Variants in CCND3 observed in about 807,000 individuals in gnomAD.
CCND3 encodes G1/S-specific cyclin-D3.
Under a neutral mutation model 28.7 loss-of-function variants are expected in CCND3, and 9 were observed. The observed-to-expected ratio is 0.31, with a 90% CI of 0.19 to 0.55. The LOEUF (loss-of-function observed/expected upper bound fraction) is 0.55, where lower values mean the gene tolerates loss of function less well. Ranked by LOEUF, CCND3 falls within the 20% of genes least tolerant of loss-of-function variation. The pLI, the probability that CCND3 is intolerant of heterozygous loss-of-function variation, is 0.93. For missense variants in CCND3, 315 were observed against 385.8 expected, an observed-to-expected ratio of 0.82 and a Z score of 1.54; for synonymous variants, 164 against 163.9, an observed-to-expected ratio of 1.00 and a Z score of 0.00.
intron 1 of CCND3, among the ~76,000 whole-genome samples, chr6:41,988,662 A>C (rs1582136108): frequency 6.7e-6 from 1 of 149,984 alleles, no homozygotes; most frequent in East Asian, 1.9e-4. Context: ...CAAAGGCATG[A>C]TTTATGAAAA....
At position 41,936,971 on chromosome 6, in the gene CCND3, G is replaced by C; in HGVS notation, c.574+264C>G. On this transcript the variant is annotated intron_variant, in intron 3 of 4. Coordinates refer to ENST00000372991, the MANE Select transcript of CCND3 (RefSeq NM_001760.5). The surrounding 1 kb of genome is among the most constrained non-coding windows in gnomAD (Gnocchi z 4.4). ...ACACAACTAGGGCCAAGAGACTGGGGTTCTGTTCCCAACCTGTTCACTGTG... is the reference window on the plus strand; with the variant it reads ...ACACAACTAGGGCCAAGAGACTGGGCTTCTGTTCCCAACCTGTTCACTGTG... 1.7e-6 allele frequency: 1 copy of C among 595,186 alleles called. No homozygotes were observed. 36.9% of individuals were successfully genotyped at this position (595,186 alleles called of 1,614,324 possible).
chr6:41,961,054 G>T (rs1156688378), intron 1 of CCND3, among the ~76,000 whole-genome samples: 1 of 152,210 alleles, frequency 6.6e-6, no homozygotes, highest in African/African-American at 2.4e-5. Context: ...AGAAGCACAG[G>T]CTGAGCAGAA....
In CCND3 at chr6:41,969,953, T is replaced by C. The variant is rs1582118244; in HGVS notation, c.-45-29368A>G. ...TGGGCATGGTGGTGAACGCCTGTAG[T>C]CCCAGCTACTTGGGCGGCTTAGCTG... On this transcript the variant is annotated intron_variant, in intron 1 of 4. Transcript: ENST00000372988. Among the ~76,000 whole-genome samples, 4 of 152,264 alleles carry C rather than the reference T, an allele frequency of 2.6e-5. No individual in the cohort carries two copies. In the East Asian group the frequency reaches 5.8e-4, roughly 22 times the overall value.
chr6:41,936,804 A>G lies in CCND3; in HGVS notation c.575-109T>C. The G allele has an allele frequency of 8.5e-7, 1 of 1,176,966 alleles. No homozygotes were observed. The highest frequency in any genetic ancestry group is 1.2e-6 in the Non-Finnish European group (1 of 834,056). 72.9% of individuals were successfully genotyped at this position (1,176,966 alleles called of 1,614,324 possible). ...CCAGGCAGCATGAGTAGAGCAGAGGACATGCTGGAAAACTCCAGCAGTGGG... is the reference window on the plus strand; with the variant it reads ...CCAGGCAGCATGAGTAGAGCAGAGGGCATGCTGGAAAACTCCAGCAGTGGG... On this transcript the variant is annotated intron_variant, in intron 3 of 4. Transcript: ENST00000372991. This position sits in a 1 kb window ranked among gnomAD's most constrained non-coding sequence, Gnocchi z 4.4.
chr6:42,037,458 A>G (rs1035505598), intron 1 of CCND3, among the ~76,000 whole-genome samples: 57 of 150,196 alleles, frequency 3.8e-4, no homozygotes, highest in African/African-American at 1.3e-3. Flanking sequence ...GATGGTCTCA[A>G]TCTCTCGACC....
chr6:41,972,853 C>T (rs1183167092), intron 1 of CCND3, among the ~76,000 whole-genome samples: 1 of 144,192 alleles, frequency 6.9e-6, no homozygotes, highest in African/African-American at 2.6e-5. Flanking sequence ...CCCATCTCTA[C>T]AAAAAATTTA....
intron 1 of CCND3, among the ~76,000 whole-genome samples, chr6:41,995,278 G>A (rs913969448): frequency 6.6e-6 from 1 of 151,822 alleles, no homozygotes; most frequent in East Asian, 1.9e-4. Flanking sequence ...TGGGGGGTGG[G>A]GTGCAGTCTT....
intron 1 of CCND3, chr6:41,940,802 G>C (rs1415937342): frequency 7.7e-6 from 7 of 913,020 alleles, no homozygotes; most frequent in Non-Finnish European, 1.1e-5. Flanking sequence ...CCCTTGACGG[G>C]GGAGTGGTAA....
chr6:41,971,600 G>T (rs1243917650), intron 1 of CCND3, among the ~76,000 whole-genome samples: 1 of 151,444 alleles, frequency 6.6e-6, no homozygotes, highest in Non-Finnish European at 1.5e-5. Context: ...GGAGTTCAGT[G>T]GCATGATCTT....
intron 1 of CCND3, among the ~76,000 whole-genome samples, chr6:42,028,798 G>A (rs903545365): frequency 2.6e-5 from 4 of 152,216 alleles, no homozygotes; most frequent in Non-Finnish European, 5.9e-5. Flanking sequence ...GAGATTATGC[G>A]TGGTAAGCAC....
chr6:41,977,608 C>T (rs568890307), intron 1 of CCND3, among the ~76,000 whole-genome samples: 1 of 152,074 alleles, frequency 6.6e-6, no homozygotes, highest in Non-Finnish European at 1.5e-5. Flanking sequence ...CTCAGGTGAT[C>T]CACCCACCTA....
chr6:41,945,932 C>T (rs78915271), upstream of CCND3, among the ~76,000 whole-genome samples: 4,843 of 152,292 alleles, frequency 0.032, 129 homozygotes, highest in African/African-American at 0.066. Flanking sequence ...CTGTTATGAA[C>T]ATGCATCCAT....
intron 1 of CCND3, among the ~76,000 whole-genome samples, chr6:41,977,822 G>C (rs925131897): frequency 2.0e-5 from 3 of 152,100 alleles, no homozygotes; most frequent in Non-Finnish European, 2.9e-5. Flanking sequence ...AAAGGTTTTT[G>C]AAACAGCCCA....
intron 1 of CCND3, among the ~76,000 whole-genome samples, chr6:41,971,463 T>C (rs1762030011): frequency 6.6e-6 from 1 of 151,878 alleles, no homozygotes; most frequent in South Asian, 2.1e-4. Flanking sequence ...TAATCCCCAT[T>C]TTGTGGATAA....
intron 1 of CCND3, among the ~76,000 whole-genome samples, chr6:41,954,822 T>C (rs1265589530): frequency 2.0e-5 from 3 of 152,182 alleles, no homozygotes; most frequent in Non-Finnish European, 4.4e-5. Flanking sequence ...AGGTTTGGCA[T>C]GTAGAATCAA....
intron 1 of CCND3, among the ~76,000 whole-genome samples, chr6:42,034,230 C>A (rs1764131050): frequency 6.6e-6 from 1 of 151,382 alleles, no homozygotes; most frequent in Admixed American, 6.6e-5. Context: ...TCACTGCAAC[C>A]TCTGCTTCCT....
chr6:42,012,266 C>T (rs1176471068), intron 1 of CCND3, among the ~76,000 whole-genome samples: 1 of 146,288 alleles, frequency 6.8e-6, no homozygotes, highest in African/African-American at 2.5e-5. Context: ...ATTAGCTGGG[C>T]GTGGTGGCGG....
intron 1 of CCND3, among the ~76,000 whole-genome samples, chr6:41,976,523 C>T (rs1233722312): frequency 6.6e-6 from 1 of 151,980 alleles, no homozygotes; most frequent in Non-Finnish European, 1.5e-5. Context: ...TGTGGTGGCA[C>T]ACACCTGTAG....
intron 1 of CCND3, among the ~76,000 whole-genome samples, chr6:42,044,847 G>A (rs1182209812): frequency 2.0e-5 from 3 of 150,540 alleles, no homozygotes; most frequent in South Asian, 4.2e-4. Context: ...GGAGTGCGAT[G>A]GCGTGATCTT....
Sources: allele counts gnomAD v4.1 joint callset (sites outside exome capture counted in the v4.1 genomes callset), GRCh38; gene constraint gnomAD v4.1.1; non-coding constraint Gnocchi (gnomAD v3.1); transcripts MANE v1.5; gene names NCBI Gene and HGNC (gene_info 2026-07-23, HGNC 2026-07-21).